SCFD1: variants seen among roughly 807,000 people sequenced by gnomAD.
The protein encoded by SCFD1 is sec1 family domain containing 1.
SCFD1 carries 37 observed loss-of-function variants against 103.2 expected under a neutral mutation model. The ratio of observed to expected loss-of-function variants is 0.36; its 90% CI spans 0.28 to 0.47. The LOEUF is 0.47. Among genes scored for constraint, SCFD1 ranks in the 20% least tolerant of loss-of-function variants. SCFD1 has a pLI of 1.00. For missense variants in SCFD1, 639 were observed against 761.2 expected (o/e 0.84, Z 1.89); for synonymous variants, 264 against 245.0 (o/e 1.08, Z -0.73).
intron 6 of SCFD1, among the ~76,000 whole-genome samples, chr14:30,641,841 TTA>T (rs1403780120): frequency 6.6e-6 from 1 of 152,194 alleles, no homozygotes; most frequent in Non-Finnish European, 1.5e-5. Flanking sequence ...GTATTAAATT[TTA>T]TATGTGTTTT....
At position 30,625,840 on chromosome 14, in the gene SCFD1, A is replaced by G. The variant is rs1883377369; in HGVS notation, c.62-2369A>G. Among the ~76,000 whole-genome samples the G allele has an allele frequency of 2.0e-5, 3 of 152,098 alleles. No homozygotes were observed. The South Asian group carries it at 6.2e-4, about 31-fold the overall frequency. On this transcript the variant is annotated intron_variant, in intron 1 of 24. Transcript: ENST00000458591. ...CAGACTGGGCTGAGAAGGCGAATGTAGGATTATCTTATTTGCTGCTGCTGG... is the reference window on the plus strand; with the variant it reads ...CAGACTGGGCTGAGAAGGCGAATGTGGGATTATCTTATTTGCTGCTGCTGG...
At chr14:30,695,885 CAAAAA>C (rs896225695) in intron 15 of SCFD1, among the ~76,000 whole-genome samples, 5 of 150,828 alleles carry the variant, frequency 3.3e-5, no homozygotes, top group Non-Finnish European at 7.4e-5. Context: ...AACAAACAAA[CAAAAA>C]AAACCACAGG....
At chr14:30,628,103 A>C in intron 1 of SCFD1, 106 bp from the exon 2 acceptor site, 1 of 701,592 alleles carries the variant, frequency 1.4e-6, no homozygotes, top group Non-Finnish European at 2.4e-6. Context: ...AATCAGTTTT[A>C]CTAGAGTTGA....
intron 10 of SCFD1, among the ~76,000 whole-genome samples, chr14:30,657,575 G>A (rs1887030082): frequency 6.6e-6 from 1 of 152,008 alleles, no homozygotes; most frequent in Non-Finnish European, 1.5e-5. Flanking sequence ...TGAAGAGGTT[G>A]GTTATAATTA....
chr14:30,734,423 ACT>A (rs1893693579), intron 23 of SCFD1: 1 of 233,782 alleles, frequency 4.3e-6, no homozygotes, highest in African/African-American at 2.2e-5. Context: ...GCATAAAGAA[ACT>A]CGAATGTATT....
intron 19 of SCFD1, among the ~76,000 whole-genome samples, chr14:30,713,948 T>C (rs185991468): frequency 1.3e-5 from 2 of 152,336 alleles, no homozygotes; most frequent in Admixed American, 1.3e-4. Flanking sequence ...TTTTAAAATC[T>C]TTATTTAAAG....
intron 23 of SCFD1, among the ~76,000 whole-genome samples, chr14:30,724,244 G>GT (rs1268662400): frequency 7.1e-5 from 9 of 127,254 alleles, no homozygotes; most frequent in African/African-American, 3.1e-4. Flanking sequence ...CTTTTTTATG[G>GT]GTTTTTTTTT....
At chr14:30,707,134 C>T (rs1408394359) in intron 18 of SCFD1, among the ~76,000 whole-genome samples, 1 of 152,068 alleles carries the variant, frequency 6.6e-6, no homozygotes, top group Non-Finnish European at 1.5e-5. Context: ...AGTTTCATCC[C>T]TTAAAAATCT....
At chr14:30,654,165 A>C (rs980626128) in intron 10 of SCFD1, among the ~76,000 whole-genome samples, 3 of 152,218 alleles carry the variant, frequency 2.0e-5, no homozygotes, top group Non-Finnish European at 4.4e-5. Flanking sequence ...AAGACAATGG[A>C]AAGAAAATAG....
chr14:30,636,257 A>G (rs1197348068), intron 4 of SCFD1, among the ~76,000 whole-genome samples: 3 of 149,184 alleles, frequency 2.0e-5, no homozygotes, highest in Non-Finnish European at 4.4e-5. Context: ...GATGAAGCCC[A>G]GTTTATCGGT....
chr14:30,679,863 G>A (rs1889335075), intron 14 of SCFD1, among the ~76,000 whole-genome samples: 1 of 151,870 alleles, frequency 6.6e-6, no homozygotes, highest in South Asian at 2.1e-4. Context: ...TTATTACCTT[G>A]GTGTCTTTTC....
intron 6 of SCFD1, among the ~76,000 whole-genome samples, chr14:30,642,901 G>A (rs1594588392): frequency 6.6e-6 from 1 of 152,178 alleles, no homozygotes; most frequent in African/African-American, 2.4e-5. Flanking sequence ...GCAGGGTGTG[G>A]TGGCTCATGC....
chr14:30,663,114 A>T (rs1213663772), intron 10 of SCFD1, among the ~76,000 whole-genome samples: 1 of 152,208 alleles, frequency 6.6e-6, no homozygotes. Context: ...TATCCTTGCT[A>T]TTAAATTACT....
chr14:30,715,947 G>C lies in SCFD1; in HGVS notation c.1653G>C (p.Leu551Phe). The C allele has an allele frequency of 6.4e-7, 1 of 1,562,048 alleles. No individual in the cohort carries two copies. Among genetic ancestry groups the C allele is most frequent in the African/African-American group, 1.4e-5 (1 of 72,726 alleles). Residue 551 changes from leucine (L) to phenylalanine (F), a missense_variant, in exon 20 of 25, where the codon TTG (leucine) becomes TTC (phenylalanine). Coordinates refer to ENST00000458591, the MANE Select transcript of SCFD1 (RefSeq NM_016106.4). ...KQQNLPVTRI[L>F]DNLMEMKSNP... The stretch of plus-strand genomic sequence containing the variant: ...AGAATCTACCTGTTACTCGTATTTT[G>C]GACAATCTTATGGAGATGAAGTCAA...
chr14:30,672,463 G>A (rs1397619318), intron 11 of SCFD1, among the ~76,000 whole-genome samples: 1 of 152,156 alleles, frequency 6.6e-6, no homozygotes, highest in Non-Finnish European at 1.5e-5. Flanking sequence ...AGGAAGGGGG[G>A]AAAGGTTTTT....
chr14:30,706,746 T>C (rs571198538), intron 18 of SCFD1, among the ~76,000 whole-genome samples: 26 of 152,330 alleles, frequency 1.7e-4, no homozygotes, highest in African/African-American at 6.3e-4. Flanking sequence ...AATTCCTAGC[T>C]TACTTTTTAG....
intron 1 of SCFD1, among the ~76,000 whole-genome samples, chr14:30,623,442 T>C (rs1361881058): frequency 6.6e-6 from 1 of 152,234 alleles, no homozygotes; most frequent in Non-Finnish European, 1.5e-5. Flanking sequence ...CGTTCTGCTT[T>C]TCCCAGTAAA....
chr14:30,650,676 T>C (rs1227821975), intron 9 of SCFD1, 26 bp downstream of exon 9: 7 of 1,262,742 alleles, frequency 5.5e-6, no homozygotes, highest in Non-Finnish European at 8.0e-6. Context: ...AATACACTTG[T>C]AAGACTTTAA....
chr14:30,725,266 G>T (rs945974552), intron 23 of SCFD1, among the ~76,000 whole-genome samples: 1 of 152,092 alleles, frequency 6.6e-6, no homozygotes, highest in African/African-American at 2.4e-5. Flanking sequence ...TCTACCAATT[G>T]CTTTGGGCAG....
Sources: allele counts gnomAD v4.1 joint callset (sites outside exome capture counted in the v4.1 genomes callset), GRCh38; gene constraint gnomAD v4.1.1; transcripts MANE v1.5; gene names NCBI Gene and HGNC (gene_info 2026-07-23, HGNC 2026-07-21).